TTC14: variants seen among roughly 807,000 people sequenced by gnomAD.
TTC14 encodes the protein tetratricopeptide repeat domain 14, also known as tetratricopeptide repeat protein 14.
A neutral mutation model predicts 79.9 loss-of-function variants in TTC14; 63 were observed. The observed-to-expected ratio is 0.79, with a 90% CI of 0.64 to 0.97. TTC14 has a LOEUF of 0.97. TTC14 is among the 50% of genes least tolerant of loss of function. The pLI, the probability that TTC14 is intolerant of heterozygous loss-of-function variation, is 0.00. For missense variants in TTC14, 895 were observed against 894.0 expected, an observed-to-expected ratio of 1.00 and a Z score of -0.01; for synonymous variants, 335 against 309.6, an observed-to-expected ratio of 1.08 and a Z score of -0.86.
At position 180,603,331 on chromosome 3, in the gene TTC14, A is replaced by T. The variant is rs1448936724; in HGVS notation, c.486+8A>T. On this transcript the variant is annotated splice_region_variant and intron_variant, in intron 3 of 11. Coordinates refer to ENST00000296015, the MANE Select transcript of TTC14 (RefSeq NM_133462.4). ...GCCCACTTAGAAATCACAGTAAGTTATTTTTGTTACTTGGATTGCTTCTGT... is the reference window on the plus strand; with the variant it reads ...GCCCACTTAGAAATCACAGTAAGTTTTTTTTGTTACTTGGATTGCTTCTGT... 6.2e-7 allele frequency: 1 copy of T among 1,611,172 alleles called. No individual in the cohort carries two copies. The highest frequency in any genetic ancestry group is 8.5e-7 in the Non-Finnish European group (1 of 1,177,604).
chr3:180,602,712 C>G (rs868023389), intron 1 of TTC14, 179 bp from the exon 2 acceptor site: 3 of 781,836 alleles, frequency 3.8e-6, no homozygotes, highest in African/African-American at 1.8e-5. Context: ...TAAGTTTCCC[C>G]GCTCTCCACC....
At position 180,604,517 on chromosome 3, in the gene TTC14, C is replaced by T; in HGVS notation, c.611C>T (p.Ala204Val). ...KDIDRYHEKL[A>V]VSLYSSSLPP... Reference sequence around the variant, plus strand: ...ATTGACAGATACCATGAAAAGCTAGCAGTATCTCTGTATAGCTCTTCTCTT... The same window carrying T: ...ATTGACAGATACCATGAAAAGCTAGTAGTATCTCTGTATAGCTCTTCTCTT... The change falls in exon 5 of 12, where the codon GCA becomes GTA. Residue 204 changes from alanine (A) to valine (V), a missense_variant. Ala to Val is a moderately conservative substitution (Grantham distance 64, BLOSUM62 0). Coordinates refer to ENST00000296015, the MANE Select transcript of TTC14 (RefSeq NM_133462.4). 1 of 1,607,958 alleles carries T rather than the reference C, an allele frequency of 6.2e-7. No homozygotes were observed. Among genetic ancestry groups the T allele is most frequent in the Non-Finnish European group, 8.5e-7 (1 of 1,178,050 alleles).
chr3:180,602,451 CG>C, intron 1 of TTC14, 29 bp downstream of exon 1: 1 of 1,575,740 alleles, frequency 6.3e-7, no homozygotes, highest in Admixed American at 1.8e-5. Flanking sequence ...CACTGCGCCA[CG>C]GAAGAGGGGA....
At position 180,604,933 on chromosome 3, in the gene TTC14, A is replaced by C; in HGVS notation, c.783A>C (p.Gly261=). The stretch of plus-strand genomic sequence containing the variant: ...GTTCCTTGGGATTTGTTAATCCAGG[A>C]GTAGTTGAATTCCTTCTAGAAAAAC... ...MQSSLGFVNP[G]VVEFLLEKLG... Residue 261 remains glycine (G), a synonymous_variant, in exon 6 of 12, where the codon GGA becomes GGC. Transcript: ENST00000296015. The C allele has an allele frequency of 6.2e-7, 1 of 1,614,064 alleles. No individual in the cohort carries two copies. Among genetic ancestry groups the C allele is most frequent in the Non-Finnish European group, 8.5e-7 (1 of 1,179,954 alleles).
rs753970260 is a variant in TTC14 at position 180,609,794 on chromosome 3, G to C, written c.1565G>C (p.Arg522Thr). The change falls in exon 12 of 12, where the codon AGG becomes ACG. Residue 522 changes from arginine (R) to threonine (T), a missense_variant. By Grantham distance (71) the Arg-to-Thr change is moderately conservative. Coordinates refer to ENST00000296015, the MANE Select transcript of TTC14 (RefSeq NM_133462.4). Reference protein sequence around the residue: ...SSRSSRRHSSRASSNQIDQNR... With the variant: ...SSRSSRRHSSTASSNQIDQNR... ...CGCAGTTCCAGAAGGCATTCATCTA[G>C]GGCATCCTCAAATCAGATAGATCAG... 3 of 1,613,846 alleles carry C rather than the reference G, an allele frequency of 1.9e-6. No homozygotes were observed. In the South Asian group the frequency reaches 3.3e-5, roughly 18 times the overall value.
downstream of TTC14, among the ~76,000 whole-genome samples, chr3:180,612,501 C>T (rs949295307): frequency 3.9e-5 from 6 of 152,166 alleles, no homozygotes; most frequent in Non-Finnish European, 7.4e-5. Flanking sequence ...AGTACAGTCA[C>T]TCATGCCTGT....
intron 10 of TTC14, 199 bp from the exon 11 acceptor site, chr3:180,608,502 C>G (rs1181465126): frequency 1.7e-6 from 2 of 1,152,062 alleles, no homozygotes; most frequent in Non-Finnish European, 2.2e-6. Context: ...CAATGCTGTT[C>G]TGGCCATTTC....
chr3:180,603,145 C>T lies in TTC14; in HGVS notation c.308C>T (p.Pro103Leu), dbSNP rs779283953. ...DSEDHYAIMP[P>L]LEQFMEIPSM... ...TTAGATCATTATGCAATCATGCCAC[C>T]TTTAGAGCAATTCATGGAGATACCT... Residue 103 changes from proline to leucine, a missense_variant, in exon 3 of 12, where the codon CCT becomes CTT. Coordinates refer to ENST00000296015, the MANE Select transcript of TTC14 (RefSeq NM_133462.4). 1 of 1,613,796 alleles carries T rather than the reference C, an allele frequency of 6.2e-7. No individual in the cohort carries two copies. Among genetic ancestry groups the T allele is most frequent in the Non-Finnish European group, 8.5e-7 (1 of 1,179,970 alleles).
chr3:180,613,122 C>T (rs1717091621), downstream of TTC14, among the ~76,000 whole-genome samples: 2 of 152,190 alleles, frequency 1.3e-5, no homozygotes, highest in South Asian at 2.1e-4. Flanking sequence ...ATTAGGTAGG[C>T]GCAAAAGTAA....
chr3:180,609,771 C>A lies in TTC14; in HGVS notation c.1542C>A (p.Arg514=). ...KHKRNRSESS[R]SSRRHSSRAS... is the part of the protein sequence containing the mutation. ...AGAGGAACCGTTCAGAGTCTTCTCG[C>A]AGTTCCAGAAGGCATTCATCTAGGG... The change falls in exon 12 of 12, where the codon CGC becomes CGA. Residue 514 remains arginine (R), a synonymous_variant. Coordinates refer to ENST00000296015, the MANE Select transcript of TTC14 (RefSeq NM_133462.4). 1 of 1,613,978 alleles carries A rather than the reference C, an allele frequency of 6.2e-7. No homozygotes were observed.
At chr3:180,609,175 G>T in intron 11 of TTC14, 2 of 623,294 alleles carry the variant, frequency 3.2e-6, no homozygotes, top group South Asian at 6.3e-5. Flanking sequence ...TAACTGATAG[G>T]GTGCTACTGC....
In TTC14 at chr3:180,610,359, A is replaced by G. The variant is rs1716932438; in HGVS notation, c.2130A>G (p.Gly710=). 6.2e-7 allele frequency: 1 copy of G among 1,613,378 alleles called. No individual in the cohort carries two copies. Among genetic ancestry groups the G allele is most frequent in the African/African-American group, 1.3e-5 (1 of 74,848 alleles). The change falls in exon 12 of 12, where the codon GGA becomes GGG. Residue 710 remains glycine (G), a synonymous_variant. Transcript: ENST00000296015. ...EQRYRLNTNQ[G]EYEREDNYGE... ...GATACCGTTTAAATACAAATCAAGG[A>G]GAATATGAAAGAGAGGACAATTATG... is the stretch of plus-strand genomic sequence containing the variant.
intron 7 of TTC14, 108 bp downstream of exon 7, chr3:180,605,945 A>T (rs1243120732): frequency 1.8e-6 from 2 of 1,142,490 alleles, no homozygotes; most frequent in Non-Finnish European, 2.5e-6. Flanking sequence ...CATTAAAGTG[A>T]TGCCTTTTTG....
chr3:180,618,013 T>C (rs1419802109), downstream of TTC14, among the ~76,000 whole-genome samples: 1 of 152,144 alleles, frequency 6.6e-6, no homozygotes, highest in African/African-American at 2.4e-5. Context: ...ATTTTTATTG[T>C]ACCTTTTCTA....
Position 180,608,753 on chromosome 3 carries a change from CAA to C in TTC14, c.1345_1346del (p.Lys449GlufsTer11). The C allele has an allele frequency of 1.3e-6, 2 of 1,559,346 alleles. No individual in the cohort carries two copies. The highest frequency in any genetic ancestry group is 1.2e-5 in the South Asian group (1 of 81,846). On this transcript the variant is annotated frameshift_variant, in exon 11 of 12. Coordinates refer to ENST00000296015, the MANE Select transcript of TTC14 (RefSeq NM_133462.4). LOFTEE classifies it high-confidence loss of function. ...GCTGAAAAGGAAGAAAAGCAGAAAA[CAA>C]AGAAAATAGAAACAAGTGCAGAAAA...
At chr3:180,602,567 G>A (rs1208337479) in intron 1 of TTC14, 145 bp downstream of exon 1, 4 of 1,144,472 alleles carry the variant, frequency 3.5e-6, no homozygotes, top group Admixed American at 5.7e-5. Flanking sequence ...TGGGCTGGGT[G>A]GACGGGGGGC....
intron 1 of TTC14, chr3:180,602,676 C>T (rs941264057): frequency 7.9e-5 from 56 of 707,048 alleles, no homozygotes; most frequent in Admixed American, 5.6e-4. Flanking sequence ...TTGAGCTTTC[C>T]TATCTGAGTT....
intron 3 of TTC14, chr3:180,603,695 G>A: frequency 4.1e-6 from 1 of 246,098 alleles, no homozygotes; most frequent in Non-Finnish European, 8.0e-6. Flanking sequence ...AATTTGGAGA[G>A]AAGTTTCATT....
chr3:180,602,613 C>G, intron 1 of TTC14, 191 bp downstream of exon 1: 1 of 800,200 alleles, frequency 1.2e-6, no homozygotes, highest in Non-Finnish European at 1.9e-6. Context: ...GCGGGCTGAA[C>G]TTTTTCTCTG....
Sources: allele counts gnomAD v4.1 joint callset (sites outside exome capture counted in the v4.1 genomes callset), GRCh38; gene constraint gnomAD v4.1.1; transcripts MANE v1.5; gene names NCBI Gene and HGNC (gene_info 2026-07-23, HGNC 2026-07-21).